The following PAQR7 variants were observed in gnomAD, a reference collection of about 807,000 sequenced individuals.
The protein encoded by PAQR7 is progestin and adipoQ receptor family member 7, also known as membrane progestin receptor alpha.
A neutral mutation model predicts 24.6 loss-of-function variants in PAQR7; 14 were observed. The observed-to-expected ratio is 0.57, with a 90% confidence interval of 0.38 to 0.89. The LOEUF (loss-of-function observed/expected upper bound fraction) is 0.89. PAQR7 is among the 40% of genes least tolerant of loss of function. PAQR7 has a pLI of 0.00. For missense variants in PAQR7, 351 were observed against 444.0 expected (o/e 0.79, Z 1.88); for synonymous variants, 189 against 198.8 (o/e 0.95, Z 0.42).
chr1:25,866,245 C>T (rs2048556066), intron 2 of PAQR7, among the ~76,000 whole-genome samples: 1 of 152,076 alleles, frequency 6.6e-6, no homozygotes, highest in Non-Finnish European at 1.5e-5. Context: ...ACCCTTATTC[C>T]CCACCTAACC....
chr1:25,865,558 C>A (rs1340327584), intron 2 of PAQR7, among the ~76,000 whole-genome samples: 1 of 152,098 alleles, frequency 6.6e-6, no homozygotes, highest in East Asian at 1.9e-4. Flanking sequence ...GCCTGTAATC[C>A]CAGCACTTTG....
chr1:25,863,889 G>A lies in PAQR7; in HGVS notation c.-22-28C>T. ...GGGAGAGAGACCAGAGCAAAGTCAG[G>A]GGCCTGGTGTCCTCACCCCCACGAG... On this transcript the variant is annotated intron_variant, in intron 2 of 2. Transcript: ENST00000675840. The surrounding 1 kb of genome is among the most constrained non-coding windows in gnomAD (Gnocchi z 6.1). The A allele has an allele frequency of 6.5e-7, 1 of 1,536,388 alleles. No individual in the cohort carries two copies. Among genetic ancestry groups the A allele is most frequent in the Non-Finnish European group, 8.8e-7 (1 of 1,141,124 alleles).
chr1:25,868,149 G>A (rs1367753736), intron 2 of PAQR7, among the ~76,000 whole-genome samples: 4 of 152,180 alleles, frequency 2.6e-5, no homozygotes, highest in African/African-American at 7.2e-5. Flanking sequence ...AGAACCTTGG[G>A]GGGACCAGAA....
intron 2 of PAQR7, among the ~76,000 whole-genome samples, chr1:25,866,223 C>G (rs1035697222): frequency 6.6e-6 from 1 of 152,062 alleles, no homozygotes; most frequent in East Asian, 1.9e-4. Context: ...GCCCACATGA[C>G]CTGCTCCTAC....
intron 1 of PAQR7, among the ~76,000 whole-genome samples, chr1:25,871,854 G>A (rs1324618723): frequency 6.6e-6 from 1 of 152,184 alleles, no homozygotes; most frequent in East Asian, 1.9e-4. Flanking sequence ...GAAGCAGACA[G>A]GCTCCCTGCC....
chr1:25,872,244 T>C (rs1024239740), intron 1 of PAQR7, among the ~76,000 whole-genome samples: 5 of 152,168 alleles, frequency 3.3e-5, no homozygotes, highest in African/African-American at 9.7e-5. Context: ...TCTGTGGGAT[T>C]CTCGTCCTGA....
chr1:25,866,695 A>G (rs1443626572), intron 2 of PAQR7, among the ~76,000 whole-genome samples: 2 of 152,128 alleles, frequency 1.3e-5, no homozygotes, highest in African/African-American at 2.4e-5. Context: ...CAGATGGCAG[A>G]GGCATGCTCT....
intron 2 of PAQR7, among the ~76,000 whole-genome samples, chr1:25,867,187 C>A (rs1281926198): frequency 6.6e-6 from 1 of 151,946 alleles, no homozygotes; most frequent in Admixed American, 6.6e-5. Flanking sequence ...CCATGCTCAG[C>A]TGATTTTTTA....
At chr1:25,872,579 A>G (rs1413441048) in intron 1 of PAQR7, among the ~76,000 whole-genome samples, 2 of 149,672 alleles carry the variant, frequency 1.3e-5, no homozygotes, top group Admixed American at 6.7e-5. Context: ...GCAGTGGTGC[A>G]AACACAGCTC....
chr1:25,875,460 A>G lies in PAQR7; in HGVS notation c.-109+28T>C, dbSNP rs1404850099. 1.3e-5 allele frequency among the ~76,000 whole-genome samples: 2 copies of G among 151,592 alleles called. No individual in the cohort carries two copies. Among genetic ancestry groups the G allele is most frequent in the East Asian group, 1.9e-4 (1 of 5,134 alleles). ...AGAGCACCCTCGTCTGCGGCCAGCC[A>G]GGCCTCCCCGTCTTGGCAGCCCCGT... On this transcript the variant is annotated intron_variant, in intron 1 of 2. Transcript: ENST00000675840. This position sits in a 1 kb window ranked among gnomAD's most constrained non-coding sequence, Gnocchi z 5.4.
chr1:25,875,061 G>A lies in PAQR7; in HGVS notation c.-109+427C>T, dbSNP rs148040077. 5.8e-3 allele frequency among the ~76,000 whole-genome samples: 882 copies of A among 152,306 alleles called. 11 individuals are homozygous for A. The highest frequency in any genetic ancestry group is 0.019 in the African/African-American group (806 of 41,564). On this transcript the variant is annotated intron_variant, in intron 1 of 2. Coordinates refer to ENST00000675840, the MANE Select transcript of PAQR7 (RefSeq NM_178422.6). The surrounding 1 kb of genome is among the most constrained non-coding windows in gnomAD (Gnocchi z 5.4). The stretch of plus-strand genomic sequence containing the variant: ...GAGCTCCCTGACTGTCCTGCTCCAG[G>A]AAGGCAGCGGCCTTGCCCGGGCCAG...
At chr1:25,868,444 C>T (rs530661151) in intron 2 of PAQR7, among the ~76,000 whole-genome samples, 18 of 152,310 alleles carry the variant, frequency 1.2e-4, no homozygotes, top group Admixed American at 9.2e-4. Flanking sequence ...CACGATGGCT[C>T]ATGCCTGTAA....
intron 1 of PAQR7, among the ~76,000 whole-genome samples, chr1:25,874,409 G>A (rs1035410934): frequency 1.3e-5 from 2 of 152,158 alleles, no homozygotes; most frequent in Non-Finnish European, 2.9e-5. Flanking sequence ...CTGAGGAGGG[G>A]GAATCTCTTA....
chr1:25,874,534 G>C (rs914403309), intron 1 of PAQR7, among the ~76,000 whole-genome samples: 4 of 152,164 alleles, frequency 2.6e-5, no homozygotes, highest in African/African-American at 7.2e-5. Context: ...ACTAAGGCTG[G>C]AGAGGGGCAG....
At position 25,863,209 on chromosome 1, in the gene PAQR7, C is replaced by T. The variant is rs771451731; in HGVS notation, c.631G>A (p.Val211Ile). The T allele has an allele frequency of 1.4e-5, 23 of 1,614,138 alleles. No individual in the cohort carries two copies. The highest frequency in any genetic ancestry group is 4.0e-5 in the African/African-American group (3 of 74,948). The part of the protein sequence containing the change: ...LGRTCQEVPS[V>I]LAYALDISPV... Reference sequence around the variant, plus strand: ...CTAATGTCCAGTGCGTAGGCCAGGACGGAGGGCACCTCCTGGCATGTGCGG... The same window carrying T: ...CTAATGTCCAGTGCGTAGGCCAGGATGGAGGGCACCTCCTGGCATGTGCGG... Residue 211 changes from valine (V) to isoleucine (I), a missense_variant, in exon 3 of 3, where the codon GTC becomes ATC. Transcript: ENST00000675840. The surrounding 1 kb of genome is among the most constrained non-coding windows in gnomAD (Gnocchi z 6.1).
chr1:25,865,246 A>T (rs916612714), intron 2 of PAQR7, among the ~76,000 whole-genome samples: 1 of 151,802 alleles, frequency 6.6e-6, no homozygotes, highest in Non-Finnish European at 1.5e-5. Context: ...AGTGCTTATC[A>T]TCAGACCATC....
intron 1 of PAQR7, 21 bp from the exon 2 acceptor site, chr1:25,870,715 T>G (rs531788878): frequency 6.6e-6 from 1 of 152,296 alleles, no homozygotes; most frequent in South Asian, 2.1e-4. Flanking sequence ...GGAATCAGAA[T>G]GGAAGAAGGT....
chr1:25,870,327 G>C (rs78156661), intron 2 of PAQR7, among the ~76,000 whole-genome samples: 2,197 of 152,274 alleles, frequency 0.014, 50 homozygotes, highest in African/African-American at 0.051. Flanking sequence ...CTCTACTATG[G>C]GACTGGGCAA....
intron 1 of PAQR7, among the ~76,000 whole-genome samples, chr1:25,874,716 G>A (rs1572283880): frequency 6.6e-6 from 1 of 152,176 alleles, no homozygotes; most frequent in African/African-American, 2.4e-5. Flanking sequence ...TAGCCCCACA[G>A]GCCTCCTCCA....
Sources: allele counts gnomAD v4.1 joint callset (sites outside exome capture counted in the v4.1 genomes callset), GRCh38; gene constraint gnomAD v4.1.1; non-coding constraint Gnocchi (gnomAD v3.1); transcripts MANE v1.5; gene names NCBI Gene and HGNC (gene_info 2026-07-23, HGNC 2026-07-21).